SYT1: variants seen among roughly 807,000 people sequenced by gnomAD.
The protein encoded by SYT1 is synaptotagmin 1.
Under a neutral mutation model 44.8 loss-of-function variants are expected in SYT1, and 8 were observed. The observed-to-expected ratio is 0.18, with a 90% confidence interval of 0.10 to 0.32. The LOEUF is 0.32. Ranked by LOEUF, SYT1 falls within the 10% of genes least tolerant of loss-of-function variation. The pLI, the probability that SYT1 is intolerant of heterozygous loss-of-function variation, is 1.00. For synonymous variants in SYT1, 154 were observed against 188.8 expected, an observed-to-expected ratio of 0.82 and a Z score of 1.51; for missense variants, 286 against 509.3, an observed-to-expected ratio of 0.56 and a Z score of 4.22.
chr12:79,179,332 A>G (rs11609713), intron 3 of SYT1, among the ~76,000 whole-genome samples: 1 of 118,894 alleles, frequency 8.4e-6, no homozygotes, highest in Non-Finnish European at 1.7e-5. Context: ...ATATAGATAT[A>G]GATATATCGA....
At chr12:79,219,353 T>G (rs1255999914) in intron 4 of SYT1, among the ~76,000 whole-genome samples, 10 of 152,112 alleles carry the variant, frequency 6.6e-5, no homozygotes, top group African/African-American at 2.4e-4. Context: ...GCTATTTAGT[T>G]TGATATAATC....
chr12:78,987,734 A>G (rs1337284706), intron 2 of SYT1, among the ~76,000 whole-genome samples: 1 of 152,048 alleles, frequency 6.6e-6, no homozygotes, highest in Non-Finnish European at 1.5e-5. Flanking sequence ...TGGGCTTACT[A>G]GTGAATTTTA....
chr12:79,004,218 G>A (rs1870932541), intron 2 of SYT1, among the ~76,000 whole-genome samples: 1 of 151,810 alleles, frequency 6.6e-6, no homozygotes, highest in African/African-American at 2.4e-5. Context: ...ATGTACTTGG[G>A]CATTTTAAAG....
At chr12:79,147,361 T>C (rs1869984413) in intron 3 of SYT1, among the ~76,000 whole-genome samples, 1 of 152,180 alleles carries the variant, frequency 6.6e-6, no homozygotes, top group Non-Finnish European at 1.5e-5. Flanking sequence ...ATTCTTAGTG[T>C]TCCCCTAATC....
intron 3 of SYT1, among the ~76,000 whole-genome samples, chr12:79,142,271 T>C (rs1322440928): frequency 1.3e-5 from 2 of 152,198 alleles, no homozygotes; most frequent in Non-Finnish European, 2.9e-5. Flanking sequence ...CAGGTAAGCG[T>C]CTCACCTTCA....
rs138445617 is a variant in SYT1 at position 78,957,344 on chromosome 12, T to G, written c.-216-20455T>G. ...AAGAATACCTAAGAAGTAGTTACTT[T>G]TTTTCCCTACTTTCATTTTCTCCTT... On this transcript the variant is annotated intron_variant, in intron 1 of 10. Transcript: ENST00000261205. 6.1e-3 allele frequency among the ~76,000 whole-genome samples: 935 copies of G among 152,270 alleles called. 7 individuals are homozygous for G. The highest frequency in any genetic ancestry group is 0.021 in the African/African-American group (890 of 41,546).
intron 3 of SYT1, among the ~76,000 whole-genome samples, chr12:79,204,777 AC>A (rs1234876820): frequency 1.0e-4 from 9 of 90,202 alleles, no homozygotes; most frequent in African/African-American, 4.2e-4. Context: ...TCCTGTTGTA[AC>A]TTTTTTTTTT....
At chr12:79,245,473 CAAAA>C (rs1273397377) in intron 4 of SYT1, among the ~76,000 whole-genome samples, 1 of 43,528 alleles carries the variant, frequency 2.3e-5, no homozygotes, top group East Asian at 6.3e-4. Context: ...ACTCCGTCAA[CAAAA>C]AAAAAAAAAA....
chr12:79,230,460 A>T (rs1875804997), intron 4 of SYT1, among the ~76,000 whole-genome samples: 2 of 152,156 alleles, frequency 1.3e-5, no homozygotes, highest in African/African-American at 4.8e-5. Context: ...TATTAATTTT[A>T]AAATTATGTA....
chr12:78,914,607 A>G (rs1876541846), intron 1 of SYT1, among the ~76,000 whole-genome samples: 1 of 151,908 alleles, frequency 6.6e-6, no homozygotes, highest in Non-Finnish European at 1.5e-5. Context: ...TTCCACTTAA[A>G]TGCCCTCATT....
At chr12:79,298,042 A>G (rs1879956991) in intron 7 of SYT1, among the ~76,000 whole-genome samples, 1 of 152,152 alleles carries the variant, frequency 6.6e-6, no homozygotes, top group Non-Finnish European at 1.5e-5. Flanking sequence ...ATAGATGAAT[A>G]AACTTATGTT....
intron 9 of SYT1, among the ~76,000 whole-genome samples, chr12:79,409,282 T>C (rs1012496979): frequency 5.3e-5 from 8 of 152,110 alleles, no homozygotes; most frequent in African/African-American, 1.9e-4. Flanking sequence ...TCTTAACCAA[T>C]TTCACTTGGA....
At chr12:79,390,967 G>A (rs1280440648) in intron 9 of SYT1, among the ~76,000 whole-genome samples, 1 of 152,134 alleles carries the variant, frequency 6.6e-6, no homozygotes, top group African/African-American at 2.4e-5. Context: ...CTGTGTGGGA[G>A]CTTCTAATGT....
intron 3 of SYT1, among the ~76,000 whole-genome samples, chr12:79,168,041 C>T (rs971645683): frequency 6.6e-6 from 1 of 152,106 alleles, no homozygotes; most frequent in Non-Finnish European, 1.5e-5. Context: ...CCATCTGCCA[C>T]TCACCTCCTG....
intron 4 of SYT1, among the ~76,000 whole-genome samples, chr12:79,218,234 T>C (rs1874934289): frequency 6.6e-6 from 1 of 152,178 alleles, no homozygotes; most frequent in South Asian, 2.1e-4. Flanking sequence ...ATTTTTTAAT[T>C]TTATTTTTAC....
intron 3 of SYT1, among the ~76,000 whole-genome samples, chr12:79,126,163 T>C (rs1868424339): frequency 6.6e-6 from 1 of 152,274 alleles, no homozygotes; most frequent in African/African-American, 2.4e-5. Context: ...TGATAAAAAT[T>C]AATATCAGCA....
intron 9 of SYT1, among the ~76,000 whole-genome samples, chr12:79,385,656 C>A (rs571140867): frequency 7.2e-5 from 11 of 152,072 alleles, no homozygotes; most frequent in Non-Finnish European, 1.0e-4. Flanking sequence ...GGATTTAGAA[C>A]AAATCAGTGT....
chr12:79,030,707 A>G (rs1003516914), intron 2 of SYT1, among the ~76,000 whole-genome samples: 2 of 151,156 alleles, frequency 1.3e-5, no homozygotes, highest in African/African-American at 4.8e-5. Context: ...TCAGCAAAAT[A>G]TAATGAACCA....
At chr12:79,043,705 CAGTTTCTTCCT>C (rs1873771384) in intron 2 of SYT1, among the ~76,000 whole-genome samples, 1 of 152,112 alleles carries the variant, frequency 6.6e-6, no homozygotes, top group Non-Finnish European at 1.5e-5. Flanking sequence ...TTAGTCGATG[CAGTTTCTTCCT>C]AGTCTCCATG....
Sources: allele counts gnomAD v4.1 joint callset (sites outside exome capture counted in the v4.1 genomes callset), GRCh38; gene constraint gnomAD v4.1.1; transcripts MANE v1.5; gene names NCBI Gene and HGNC (gene_info 2026-07-23, HGNC 2026-07-21).